Variants in DSCAM observed in about 807,000 individuals in gnomAD.
DSCAM encodes the protein cell adhesion molecule DSCAM.
In DSCAM, 47 loss-of-function variants were observed where a neutral mutation model predicts 217.7. The observed-to-expected ratio is 0.22, with a 90% confidence interval of 0.17 to 0.28. The LOEUF (loss-of-function observed/expected upper bound fraction) is 0.28. Among genes scored for constraint, DSCAM ranks in the 10% least tolerant of loss-of-function variants. The probability of loss-of-function intolerance (pLI) is 1.00; values close to 1 mark genes in which losing one functional copy is unlikely to be tolerated. For synonymous variants in DSCAM, 1,056 were observed against 1,015.3 expected (o/e 1.04, Z -0.76); for missense variants, 2,080 against 2,618.3 (o/e 0.79, Z 4.49).
intron 3 of DSCAM, among the ~76,000 whole-genome samples, chr21:40,589,407 C>A (rs935983134): frequency 2.6e-5 from 4 of 152,114 alleles, no homozygotes; most frequent in Admixed American, 1.3e-4. Context: ...GAAACCCCGT[C>A]CCTACTAAAA....
At chr21:40,596,582 G>C (rs1045013537) in intron 3 of DSCAM, among the ~76,000 whole-genome samples, 4 of 152,084 alleles carry the variant, frequency 2.6e-5, no homozygotes, top group African/African-American at 9.7e-5. Context: ...CGTATGCTTG[G>C]CAGGTAAATA....
intron 1 of DSCAM, among the ~76,000 whole-genome samples, chr21:40,800,051 T>C (rs1015889658): frequency 6.6e-6 from 1 of 152,114 alleles, no homozygotes; most frequent in African/African-American, 2.4e-5. Flanking sequence ...AGGAGTGACA[T>C]TAGTGGCTTT....
chr21:40,133,339 A>G (rs565215021), intron 19 of DSCAM, among the ~76,000 whole-genome samples: 3 of 152,226 alleles, frequency 2.0e-5, no homozygotes, highest in Non-Finnish European at 2.9e-5. Flanking sequence ...TTTTTACTAA[A>G]TCACCATGAA....
rs11909892 is a variant in DSCAM at position 40,167,416 on chromosome 21, C to T, written c.2948-128G>A. On this transcript the variant is annotated intron_variant, in intron 15 of 32. Transcript: ENST00000400454. Reference sequence around the variant, plus strand: ...TTGGCACAGAGAAAGAAGTTTTTAGCGGTCATGGGAAATGTCAATTTTGTA... The same window carrying T: ...TTGGCACAGAGAAAGAAGTTTTTAGTGGTCATGGGAAATGTCAATTTTGTA... 2.3e-3 allele frequency: 1,656 copies of T among 733,044 alleles called. 20 individuals carry two copies. The African/African-American group carries it at 0.026, about 12-fold the overall frequency. The allele number at this position is 733,044 out of a possible 1,614,324, so 45.4% of individuals were successfully genotyped here.
At chr21:40,692,221 T>C (rs1189055719) in intron 3 of DSCAM, among the ~76,000 whole-genome samples, 1 of 152,214 alleles carries the variant, frequency 6.6e-6, no homozygotes, top group East Asian at 1.9e-4. Context: ...ATCAACACCA[T>C]TAGAAATGAA....
In DSCAM at chr21:40,353,713, T is replaced by C; in HGVS notation, c.686A>G (p.Asp229Gly). 1 of 1,588,268 alleles carries C rather than the reference T, an allele frequency of 6.3e-7. No individual in the cohort carries two copies. The highest frequency in any genetic ancestry group is 8.5e-7 in the Non-Finnish European group (1 of 1,171,664). The change falls in exon 5 of 33, where the codon GAT (aspartate) becomes GGT (glycine). Residue 229 changes from aspartate (D) to glycine (G), a missense_variant. Asp to Gly is a moderately conservative substitution (Grantham distance 94, BLOSUM62 -1). Coordinates refer to ENST00000400454, the MANE Select transcript of DSCAM (RefSeq NM_001389.5). ...DPANSAPSIL[D>G]GFDHRKAMAG... ...CATGGCTTTGCGATGGTCAAACCCA[T>C]CCAGTATGGATGGGGCTGAGTTCGC...
At chr21:40,248,820 T>C (rs921960132) in intron 11 of DSCAM, among the ~76,000 whole-genome samples, 1 of 152,174 alleles carries the variant, frequency 6.6e-6, no homozygotes, top group Non-Finnish European at 1.5e-5. Flanking sequence ...TACCTGAGAC[T>C]GGGAAGAAAA....
intron 28 of DSCAM, among the ~76,000 whole-genome samples, 200 bp from the exon 29 acceptor site, chr21:40,056,040 GGA>G (rs1417303489): frequency 6.6e-6 from 1 of 152,128 alleles, no homozygotes. Flanking sequence ...TCAGCTGGCT[GGA>G]GAGTTTCAGA....
At chr21:40,802,960 G>C (rs1303460669) in intron 1 of DSCAM, among the ~76,000 whole-genome samples, 1 of 152,156 alleles carries the variant, frequency 6.6e-6, no homozygotes, top group Non-Finnish European at 1.5e-5. Context: ...CTCACAACTA[G>C]ACAGACAAGG....
In DSCAM at chr21:40,790,192, T is replaced by TC. The variant is rs58029886; in HGVS notation, c.43+56426_43+56427insG. The stretch of plus-strand genomic sequence containing the variant: ...TTTTTCTTTCTTTCTTTTTTTTTTT[T>TC]TTTTTTTTAGATGGAGTCTCGCTCT... On this transcript the variant is annotated intron_variant, in intron 1 of 32. Transcript: ENST00000400454. Among the ~76,000 whole-genome samples, 708 of 118,288 alleles carry TC rather than the reference T, an allele frequency of 6.0e-3. 19 individuals are homozygous for TC. Among genetic ancestry groups the TC allele is most frequent in the Admixed American group, 0.048 (519 of 10,862 alleles). The allele number at this position is 118,288 out of a possible 152,430, so 77.6% of individuals were successfully genotyped here.
At chr21:40,241,364 G>A (rs1007864971) in intron 11 of DSCAM, among the ~76,000 whole-genome samples, 1 of 152,124 alleles carries the variant, frequency 6.6e-6, no homozygotes, top group Non-Finnish European at 1.5e-5. Flanking sequence ...AGACAAACAT[G>A]TAGCCAACAA....
intron 3 of DSCAM, among the ~76,000 whole-genome samples, chr21:40,637,162 TATAA>T (rs2089776398): frequency 1.8e-5 from 1 of 55,624 alleles, no homozygotes; most frequent in South Asian, 6.6e-4. Context: ...TATATATAAA[TATAA>T]ATATATATAT....
chr21:40,544,691 T>C (rs898597325), intron 3 of DSCAM, among the ~76,000 whole-genome samples: 1 of 152,224 alleles, frequency 6.6e-6, no homozygotes, highest in Admixed American at 6.5e-5. Flanking sequence ...CCTCTGGAAC[T>C]GTGAGAATAA....
chr21:40,495,836 A>G (rs991113293), intron 3 of DSCAM, among the ~76,000 whole-genome samples: 16 of 152,192 alleles, frequency 1.1e-4, no homozygotes, highest in African/African-American at 3.6e-4. Flanking sequence ...AAAAAATTAC[A>G]GAATACAAAA....
chr21:40,293,590 A>G (rs60272729), intron 10 of DSCAM, among the ~76,000 whole-genome samples: 12,843 of 152,194 alleles, frequency 0.084, 1,237 homozygotes, highest in East Asian at 0.21. Flanking sequence ...AATAAACATT[A>G]CACAGACATT....
In DSCAM at chr21:40,766,345, A is replaced by T. The variant is rs575759651; in HGVS notation, c.44-57574T>A. Among the ~76,000 whole-genome samples, 409 of 151,512 alleles carry T rather than the reference A, an allele frequency of 2.7e-3. 3 individuals are homozygous for T. Among genetic ancestry groups the T allele is most frequent in the African/African-American group, 9.6e-3 (393 of 40,928 alleles). ...TTGGTATGTGTGTATATATATATAT[A>T]TTTTCAAAGGATTAAATACATATCC... On this transcript the variant is annotated intron_variant, in intron 1 of 32. Transcript: ENST00000400454.
At chr21:40,456,646 GCAA>G (rs2075765991) in intron 3 of DSCAM, among the ~76,000 whole-genome samples, 1 of 151,422 alleles carries the variant, frequency 6.6e-6, no homozygotes, top group African/African-American at 2.4e-5. Context: ...ATTGTGAAGT[GCAA>G]TACACTTCAC....
intron 3 of DSCAM, among the ~76,000 whole-genome samples, chr21:40,389,368 GC>G (rs1259360263): frequency 4.6e-5 from 7 of 152,104 alleles, no homozygotes; most frequent in African/African-American, 1.7e-4. Context: ...TTAAAAAACA[GC>G]TAATGTTCTA....
intron 1 of DSCAM, among the ~76,000 whole-genome samples, chr21:40,740,419 C>G (rs1342119874): frequency 2.0e-5 from 3 of 152,138 alleles, no homozygotes; most frequent in Non-Finnish European, 4.4e-5. Context: ...ATTTGCTGAC[C>G]CCATGTGCCT....
Sources: gnomAD v4.1 joint callset for allele counts (sites outside exome capture counted in the v4.1 genomes callset) on GRCh38, gnomAD v4.1.1 for gene constraint, MANE v1.5 for transcripts, NCBI Gene and HGNC (gene_info 2026-07-23, HGNC 2026-07-21) for gene names.